The following PLXDC2 variants were observed in gnomAD, a reference collection of about 807,000 sequenced individuals.
The protein encoded by PLXDC2 is plexin domain containing 2.
A neutral mutation model predicts 68.9 loss-of-function variants in PLXDC2; 40 were observed. The ratio of observed to expected loss-of-function variants is 0.58; its 90% CI spans 0.45 to 0.76. The LOEUF is 0.76. Among genes scored for constraint, PLXDC2 ranks in the 30% least tolerant of loss-of-function variants. The pLI, the probability that PLXDC2 is intolerant of heterozygous loss-of-function variation, is 0.00. For synonymous variants in PLXDC2, 243 were observed against 234.2 expected (o/e 1.04, Z -0.34); for missense variants, 644 against 661.9 (o/e 0.97, Z 0.30).
intron 2 of PLXDC2, among the ~76,000 whole-genome samples, chr10:20,036,653 C>G (rs535346978): frequency 1.3e-5 from 2 of 152,132 alleles, no homozygotes; most frequent in African/African-American, 4.8e-5. Context: ...ATTGGAAAAT[C>G]ACAGTATCAA....
At chr10:19,834,429 G>C (rs982402933) in intron 1 of PLXDC2, among the ~76,000 whole-genome samples, 4 of 152,072 alleles carry the variant, frequency 2.6e-5, no homozygotes, top group African/African-American at 7.2e-5. Context: ...ACCAAAAAGG[G>C]GCTGAGAGAA....
chr10:20,178,808 C>T (rs573983534), intron 9 of PLXDC2, among the ~76,000 whole-genome samples: 23 of 152,024 alleles, frequency 1.5e-4, no homozygotes, highest in African/African-American at 5.1e-4. Flanking sequence ...GTTTTGTTTT[C>T]GATTTAACAG....
At chr10:20,150,854 G>A in intron 6 of PLXDC2, among the ~76,000 whole-genome samples, 1 of 152,018 alleles carries the variant, frequency 6.6e-6, no homozygotes, top group South Asian at 2.1e-4. Context: ...ATTTTTAAAG[G>A]CCTTTTCTTT....
chr10:19,818,040 T>G (rs954442292), intron 1 of PLXDC2, among the ~76,000 whole-genome samples: 2 of 152,144 alleles, frequency 1.3e-5, no homozygotes, highest in Non-Finnish European at 2.9e-5. Flanking sequence ...ACTCCCCATT[T>G]CTGCCTTTCA....
rs1162286827 is a variant in PLXDC2 at position 19,913,121 on chromosome 10, G to T, written c.113-88654G>T. ...CCCCAGAAGAAATCTAGGAACATCA[G>T]TGACATGGTTTGGATTTGTGTTCCT... is the stretch of plus-strand genomic sequence containing the variant. On this transcript the variant is annotated intron_variant, in intron 1 of 13. Transcript: ENST00000377252. 3.3e-5 allele frequency among the ~76,000 whole-genome samples: 5 copies of T among 152,182 alleles called. No individual in the cohort carries two copies. The South Asian group carries it at 1.0e-3, about 31-fold the overall frequency.
chr10:20,225,482 C>G (rs750560762), intron 12 of PLXDC2, among the ~76,000 whole-genome samples: 23 of 152,134 alleles, frequency 1.5e-4, no homozygotes, highest in Non-Finnish European at 2.9e-4. Flanking sequence ...GTTTTTAAAA[C>G]TGTAAAACAT....
chr10:20,168,873 T>G (rs1019787014), intron 7 of PLXDC2, among the ~76,000 whole-genome samples: 2 of 152,166 alleles, frequency 1.3e-5, no homozygotes, highest in Admixed American at 6.6e-5. Flanking sequence ...GTAATAAATG[T>G]TTTCACGTAT....
At chr10:19,906,294 A>G (rs1012620199) in intron 1 of PLXDC2, among the ~76,000 whole-genome samples, 1 of 152,210 alleles carries the variant, frequency 6.6e-6, no homozygotes, top group Admixed American at 6.5e-5. Context: ...TGTTACTCAC[A>G]GATCCCAGGA....
chr10:20,270,393 C>G (rs1212167780), intron 13 of PLXDC2, among the ~76,000 whole-genome samples: 1 of 152,044 alleles, frequency 6.6e-6, no homozygotes, highest in Non-Finnish European at 1.5e-5. Flanking sequence ...ACTGAGATTC[C>G]AAGAAAGTAA....
chr10:20,074,060 A>G (rs1836390978), intron 4 of PLXDC2, among the ~76,000 whole-genome samples: 1 of 152,134 alleles, frequency 6.6e-6, no homozygotes, highest in Non-Finnish European at 1.5e-5. Context: ...GAATGTAAGT[A>G]TGTAGACAGA....
In PLXDC2 at chr10:19,958,971, T is replaced by C. The variant is rs567964072; in HGVS notation, c.113-42804T>C. ...GAGTGATCAGCCACTAACAGATCAT[T>C]AACCAGGTTTTGTGGCCTATGGCAG... On this transcript the variant is annotated intron_variant, in intron 1 of 13. Coordinates refer to ENST00000377252, the MANE Select transcript of PLXDC2 (RefSeq NM_032812.9). 2.9e-4 allele frequency among the ~76,000 whole-genome samples: 44 copies of C among 152,304 alleles called. 1 individual carries two copies. The South Asian group carries it at 8.5e-3, about 29-fold the overall frequency.
rs1200115188 is a variant in PLXDC2, at chr10:19,876,624, A to AAG, written c.112+59453_112+59454dup. Among the ~76,000 whole-genome samples the AAG allele has an allele frequency of 4.6e-3, 644 of 138,820 alleles. 4 individuals carry two copies. The highest frequency in any genetic ancestry group is 7.8e-3 in the African/African-American group (304 of 39,034). The allele number at this position is 138,820 out of a possible 152,430, so 91.1% of individuals were successfully genotyped here. ...CTCAAAAAAAAAAAAAAAAAAAAAA[A>AAG]AGAGAGAGAGAGAGAGAGAGAAACA... is the stretch of plus-strand genomic sequence containing the variant. On this transcript the variant is annotated intron_variant, in intron 1 of 13. Coordinates refer to ENST00000377252, the MANE Select transcript of PLXDC2 (RefSeq NM_032812.9).
At chr10:20,241,238 C>A (rs1258469758) in intron 12 of PLXDC2, among the ~76,000 whole-genome samples, 2 of 152,178 alleles carry the variant, frequency 1.3e-5, no homozygotes, top group Non-Finnish European at 2.9e-5. Context: ...GCGAGGTTTA[C>A]CACACTCAAG....
intron 1 of PLXDC2, among the ~76,000 whole-genome samples, chr10:19,818,863 A>G (rs1836408254): frequency 1.3e-5 from 2 of 152,212 alleles, no homozygotes; most frequent in Non-Finnish European, 2.9e-5. Context: ...AAACGAGGTT[A>G]AAAGGATGTG....
chr10:20,151,826 G>A (rs557590167), intron 6 of PLXDC2, among the ~76,000 whole-genome samples: 2 of 152,144 alleles, frequency 1.3e-5, no homozygotes, highest in African/African-American at 2.4e-5. Flanking sequence ...AGGGAAGTAC[G>A]TGTAATTCTT....
intron 1 of PLXDC2, among the ~76,000 whole-genome samples, chr10:19,883,359 C>A (rs1004632731): frequency 1.3e-5 from 2 of 152,144 alleles, no homozygotes; most frequent in Non-Finnish European, 2.9e-5. Context: ...TATAAGGTAG[C>A]CTTGGTGGCC....
chr10:19,925,641 T>A (rs1214802403), intron 1 of PLXDC2, among the ~76,000 whole-genome samples: 1 of 152,120 alleles, frequency 6.6e-6, no homozygotes, highest in African/African-American at 2.4e-5. Flanking sequence ...GAGACATTGG[T>A]TGTGAGAGTA....
At chr10:20,012,333 TTG>T (rs1835132537) in intron 2 of PLXDC2, among the ~76,000 whole-genome samples, 2 of 35,280 alleles carry the variant, frequency 5.7e-5, no homozygotes, top group Non-Finnish European at 1.3e-4. Flanking sequence ...TTTTTTTTTT[TTG>T]GAGAAGGAGA....
At chr10:19,978,739 C>T (rs959790754) in intron 1 of PLXDC2, among the ~76,000 whole-genome samples, 15 of 152,250 alleles carry the variant, frequency 9.9e-5, no homozygotes, top group Non-Finnish European at 1.9e-4. Flanking sequence ...CATAATTCCA[C>T]GTAAAACTCA....
Sources: allele counts gnomAD v4.1 joint callset (sites outside exome capture counted in the v4.1 genomes callset), GRCh38; gene constraint gnomAD v4.1.1; transcripts MANE v1.5; gene names NCBI Gene and HGNC (gene_info 2026-07-23, HGNC 2026-07-21).